Variants in LRRC1 observed in about 807,000 individuals in gnomAD.
LRRC1 encodes leucine rich repeat containing 1.
Under a neutral mutation model 69.9 loss-of-function variants are expected in LRRC1, and 28 were observed. That is an observed-to-expected ratio of 0.40 (90% CI 0.30 to 0.55). The LOEUF (loss-of-function observed/expected upper bound fraction) is 0.55, where lower values mean the gene tolerates loss of function less well. Among genes scored for constraint, LRRC1 ranks in the 20% least tolerant of loss-of-function variants. LRRC1 has a pLI of 0.47. For missense variants in LRRC1, 498 were observed against 609.0 expected, an observed-to-expected ratio of 0.82 and a Z score of 1.92; for synonymous variants, 236 against 240.2, an observed-to-expected ratio of 0.98 and a Z score of 0.16.
Position 53,896,647 on chromosome 6 carries a change from T to G in LRRC1, c.503+93T>G, listed in dbSNP as rs373423565. 1.2e-3 allele frequency: 1,479 copies of G among 1,284,908 alleles called. 25 individuals carry two copies. The South Asian group carries it at 0.017, about 15-fold the overall frequency. 79.6% of individuals were successfully genotyped at this position (1,284,908 alleles called of 1,614,324 possible). On this transcript the variant is annotated intron_variant, in intron 5 of 13. Transcript: ENST00000370888. ...CTACAGTATTACGTGAAAACATTTGTGTGTTTTGGGAAGTTTGGGGGATGC... is the reference window on the plus strand; with the variant it reads ...CTACAGTATTACGTGAAAACATTTGGGTGTTTTGGGAAGTTTGGGGGATGC...
intron 1 of LRRC1, among the ~76,000 whole-genome samples, chr6:53,821,646 G>A (rs1444332143): frequency 6.6e-6 from 1 of 152,146 alleles, no homozygotes. Context: ...ATTATTATCT[G>A]AGAAGTAATC....
In LRRC1 at chr6:53,876,613, G is replaced by T. The variant is rs189704076; in HGVS notation, c.278-2380G>T. ...TTGAATAAATACAGCCATTCCAAAT[G>T]GGAGACATTGGCCAAAACAAAGGAG... On this transcript the variant is annotated intron_variant, in intron 2 of 13. Coordinates refer to ENST00000370888, the MANE Select transcript of LRRC1 (RefSeq NM_018214.5). Among the ~76,000 whole-genome samples, 245 of 152,240 alleles carry T rather than the reference G, an allele frequency of 1.6e-3. 1 individual carries two copies. Among genetic ancestry groups the T allele is most frequent in the African/African-American group, 5.5e-3 (227 of 41,532 alleles).
intron 2 of LRRC1, among the ~76,000 whole-genome samples, chr6:53,876,752 G>A (rs758208048): frequency 2.0e-5 from 3 of 152,326 alleles, no homozygotes; most frequent in Non-Finnish European, 4.4e-5. Flanking sequence ...TAAGAGGTAT[G>A]TTCCCACGGT....
At chr6:53,834,103 C>G (rs1765540414) in intron 1 of LRRC1, among the ~76,000 whole-genome samples, 1 of 152,158 alleles carries the variant, frequency 6.6e-6, no homozygotes, top group African/African-American at 2.4e-5. Flanking sequence ...TTTGTATGCC[C>G]TTTTGCTGTA....
intron 1 of LRRC1, among the ~76,000 whole-genome samples, chr6:53,832,067 T>A (rs1399285292): frequency 6.6e-6 from 1 of 152,180 alleles, no homozygotes; most frequent in Non-Finnish European, 1.5e-5. Flanking sequence ...CTAACGCAGT[T>A]CCTCTGAACA....
intron 4 of LRRC1, among the ~76,000 whole-genome samples, chr6:53,890,980 CAT>C (rs1350740740): frequency 2.0e-5 from 3 of 152,120 alleles, no homozygotes; most frequent in African/African-American, 4.8e-5. Context: ...GTTTTGAAAA[CAT>C]AGTAGAGAAC....
intron 2 of LRRC1, among the ~76,000 whole-genome samples, chr6:53,852,351 C>G (rs1000368064): frequency 1.3e-5 from 2 of 152,074 alleles, no homozygotes; most frequent in Admixed American, 6.5e-5. Context: ...GAGGACTGTC[C>G]AAGTAAGAAT....
rs1350584427 is a variant in LRRC1, at chr6:53,795,079, C to T, written c.-178C>T. On this transcript the variant is annotated 5_prime_UTR_variant, in exon 1 of 14. Coordinates refer to ENST00000370888, the MANE Select transcript of LRRC1 (RefSeq NM_018214.5). ...GGTACAGGGACGGGGCAGGGGCTCC[C>T]GCTCCAGGTTCCTTGAAGCACTTCC... 2.0e-5 allele frequency: 11 copies of T among 556,394 alleles called. No individual in the cohort carries two copies. In the Admixed American group the frequency reaches 3.4e-4, roughly 17 times the overall value. The allele number at this position is 556,394 out of a possible 1,614,324, so 34.5% of individuals were successfully genotyped here.
intron 9 of LRRC1, among the ~76,000 whole-genome samples, chr6:53,903,340 C>T (rs572532428): frequency 6.2e-5 from 9 of 144,360 alleles, no homozygotes; most frequent in East Asian, 2.4e-4. Flanking sequence ...AGGGGCAATG[C>T]GTGCACCCCC....
chr6:53,863,270 G>A (rs1318426883), intron 2 of LRRC1, among the ~76,000 whole-genome samples: 1 of 152,082 alleles, frequency 6.6e-6, no homozygotes, highest in Non-Finnish European at 1.5e-5. Flanking sequence ...CCTTTACATA[G>A]CATTGCCAAG....
At chr6:53,895,405 G>A (rs1298136419) in intron 4 of LRRC1, among the ~76,000 whole-genome samples, 1 of 152,098 alleles carries the variant, frequency 6.6e-6, no homozygotes, top group East Asian at 1.9e-4. Context: ...TACATTTCTG[G>A]ATGTTATAAA....
chr6:53,842,335 T>G, intron 2 of LRRC1, 108 bp downstream of exon 2: 1 of 707,490 alleles, frequency 1.4e-6, no homozygotes, highest in South Asian at 1.9e-5. Context: ...TTTTTGTCCT[T>G]GTGATAGTTC....
At chr6:53,813,543 TTTTTTTC>T (rs1764860439) in intron 1 of LRRC1, among the ~76,000 whole-genome samples, 1 of 145,310 alleles carries the variant, frequency 6.9e-6, no homozygotes, top group Non-Finnish European at 1.5e-5. Context: ...GTGGTTTTTT[TTTTTTTC>T]TTTTTTTTTC....
chr6:53,905,347 A>G (rs1271463657), intron 10 of LRRC1: 1 of 152,278 alleles, frequency 6.6e-6, no homozygotes, highest in African/African-American at 2.4e-5. Context: ...AAAAAAAAAA[A>G]AAAAAAAATG....
At chr6:53,920,330 T>A (rs1768699159) in intron 12 of LRRC1, among the ~76,000 whole-genome samples, 1 of 152,236 alleles carries the variant, frequency 6.6e-6, no homozygotes, top group South Asian at 2.1e-4. Context: ...AATTATGACA[T>A]TCTGTGATGA....
chr6:53,819,241 G>A (rs1330035635), intron 1 of LRRC1, among the ~76,000 whole-genome samples: 5 of 152,152 alleles, frequency 3.3e-5, no homozygotes, highest in African/African-American at 1.2e-4. Context: ...GAGAAAGGAA[G>A]TTCGGGTATC....
chr6:53,887,844 G>A (rs757102089), intron 4 of LRRC1, among the ~76,000 whole-genome samples: 7 of 152,252 alleles, frequency 4.6e-5, no homozygotes, highest in South Asian at 2.1e-4. Context: ...TGCAGATGCC[G>A]GTTGGCATGG....
intron 1 of LRRC1, among the ~76,000 whole-genome samples, chr6:53,825,639 T>C (rs1383730219): frequency 1.3e-5 from 2 of 152,138 alleles, no homozygotes; most frequent in African/African-American, 4.8e-5. Flanking sequence ...GAGAACTTTG[T>C]AAACTGAAAT....
chr6:53,869,734 C>T (rs915256755), intron 2 of LRRC1, among the ~76,000 whole-genome samples: 1 of 124,512 alleles, frequency 8.0e-6, no homozygotes, highest in Non-Finnish European at 1.8e-5. Flanking sequence ...GGAGATTTAC[C>T]ATCATCAAAC....
Sources: gnomAD v4.1 joint callset for allele counts (sites outside exome capture counted in the v4.1 genomes callset) on GRCh38, gnomAD v4.1.1 for gene constraint, MANE v1.5 for transcripts, NCBI Gene and HGNC (gene_info 2026-07-23, HGNC 2026-07-21) for gene names.